RBM19: variants seen among roughly 807,000 people sequenced by gnomAD.
RBM19 encodes probable RNA-binding protein 19.
In RBM19, 94 loss-of-function variants were observed where a neutral mutation model predicts 116.8. That is an observed-to-expected ratio of 0.80 (90% CI 0.68 to 0.95). The LOEUF (loss-of-function observed/expected upper bound fraction) is 0.95. RBM19 is among the 40% of genes least tolerant of loss of function. The pLI is 0.00. For synonymous variants in RBM19, 475 were observed against 494.1 expected (o/e 0.96, Z 0.51); for missense variants, 1,161 against 1,220.7 (o/e 0.95, Z 0.73).
intron 13 of RBM19, among the ~76,000 whole-genome samples, chr12:113,944,796 T>C (rs1301892880): frequency 6.9e-6 from 1 of 145,608 alleles, no homozygotes; most frequent in Non-Finnish European, 1.5e-5. Context: ...AGCAACTCTG[T>C]CTCAAAAAAA....
chr12:113,831,292 C>A (rs750354422), intron 23 of RBM19, among the ~76,000 whole-genome samples: 21 of 152,224 alleles, frequency 1.4e-4, no homozygotes, highest in Non-Finnish European at 2.5e-4. Context: ...TACAAAACCC[C>A]ACTACTTTCA....
At position 113,959,900 on chromosome 12, in the gene RBM19, C is replaced by T. The variant is rs267603319; in HGVS notation, c.343G>A (p.Glu115Lys). The stretch of plus-strand genomic sequence containing the variant: ...TGACCTGCCACCTTTTTCTTCTTCT[C>T]ATCCTGAAAACAGAAGGCACAGAGA... Reference protein sequence around the residue: ...DSTTPEIKKDEKKKKVAGQLE... With the variant: ...DSTTPEIKKDKKKKKVAGQLE... The change falls in exon 4 of 24, where the codon GAG becomes AAG. Residue 115 changes from glutamate (E) to lysine (K), a missense_variant. Transcript: ENST00000261741. 6.2e-7 allele frequency: 1 copy of T among 1,614,136 alleles called. No individual in the cohort carries two copies. The highest frequency in any genetic ancestry group is 8.5e-7 in the Non-Finnish European group (1 of 1,180,024).
At chr12:113,937,755 TAAAAAAAA>T (rs35507198) in intron 15 of RBM19, among the ~76,000 whole-genome samples, 21,531 of 118,748 alleles carry the variant, frequency 0.18, 2,289 homozygotes, top group African/African-American at 0.34. Flanking sequence ...TCCTGCCTCT[TAAAAAAAA>T]AAAAAAAAAA....
At chr12:113,963,781 T>C (rs1325357200) in intron 1 of RBM19, among the ~76,000 whole-genome samples, 1 of 152,200 alleles carries the variant, frequency 6.6e-6, no homozygotes. Context: ...AAGGAAAACA[T>C]GCAATTCTTC....
rs368585240 is a variant in RBM19 at position 113,942,384 on chromosome 12, G to C, written c.1677C>G (p.Leu559=). ...TGAGAAAACGCCGCACTTCCTGGAC[G>C]AGCTGGGTTTCCCCCAGAGCCACGC... ...AVRVALGETQ[L]VQEVRRFLID... Residue 559 remains leucine, a synonymous_variant, in exon 14 of 24, where the codon CTC becomes CTG. Coordinates refer to ENST00000261741, the MANE Select transcript of RBM19 (RefSeq NM_016196.4). 2.5e-6 allele frequency: 4 copies of C among 1,609,626 alleles called. No homozygotes were observed. The highest frequency in any genetic ancestry group is 3.4e-6 in the Non-Finnish European group (4 of 1,179,936).
chr12:113,934,960 C>T (rs1260520991), intron 16 of RBM19, among the ~76,000 whole-genome samples: 1 of 152,080 alleles, frequency 6.6e-6, no homozygotes, highest in Non-Finnish European at 1.5e-5. Context: ...TATGCCTGGG[C>T]CCCCCGGGGT....
At chr12:113,910,796 C>G (rs904239626) in intron 21 of RBM19, among the ~76,000 whole-genome samples, 1 of 150,832 alleles carries the variant, frequency 6.6e-6, no homozygotes, top group African/African-American at 2.4e-5. Context: ...ACACCACTTC[C>G]AGCTTTTGAA....
intron 13 of RBM19, among the ~76,000 whole-genome samples, chr12:113,942,911 C>A (rs1334305536): frequency 6.6e-6 from 1 of 152,094 alleles, no homozygotes; most frequent in Non-Finnish European, 1.5e-5. Flanking sequence ...GTGCTTGGCC[C>A]CCCAGTGGCT....
intron 5 of RBM19, 134 bp downstream of exon 5, chr12:113,959,078 G>A (rs1872241323): frequency 2.3e-6 from 2 of 852,716 alleles, no homozygotes; most frequent in East Asian, 5.0e-5. Flanking sequence ...CCTGCAGAGG[G>A]ATCATCACCC....
Position 113,948,895 on chromosome 12 carries a change from A to C in RBM19, c.1214T>G (p.Phe405Cys). The C allele has an allele frequency of 6.2e-7, 1 of 1,614,132 alleles. No individual in the cohort carries two copies. Among genetic ancestry groups the C allele is most frequent in the South Asian group, 1.1e-5 (1 of 91,082 alleles). The change falls in exon 10 of 24, where the codon TTT (phenylalanine) becomes TGT (cysteine). Residue 405 changes from phenylalanine (F) to cysteine (C), a missense_variant. Phe to Cys is a radical substitution (Grantham distance 205, BLOSUM62 -2). Coordinates refer to ENST00000261741, the MANE Select transcript of RBM19 (RefSeq NM_016196.4). ...EEDLAESGRLFVRNLPYTSTE... is the reference protein window; with the variant it reads ...EEDLAESGRLCVRNLPYTSTE... Reference sequence around the variant, plus strand: ...GCTGGTGTAGGGCAGGTTCCGTACAAAGAGCCTTCCGGATTCGGCCAGGTC... The same window carrying C: ...GCTGGTGTAGGGCAGGTTCCGTACACAGAGCCTTCCGGATTCGGCCAGGTC...
Position 113,900,510 on chromosome 12 carries a change from C to G in RBM19, c.2558+14459G>C, listed in dbSNP as rs139705573. 2.9e-3 allele frequency among the ~76,000 whole-genome samples: 448 copies of G among 152,284 alleles called. 5 individuals carry two copies. The highest frequency in any genetic ancestry group is 0.01 in the African/African-American group (432 of 41,556). ...GTTGGCTTGGAAATGGCAGGCCTAT[C>G]CCAAACCCTTCATGGAATCATTCAA... is the stretch of plus-strand genomic sequence containing the variant. On this transcript the variant is annotated intron_variant, in intron 21 of 23. Coordinates refer to ENST00000261741, the MANE Select transcript of RBM19 (RefSeq NM_016196.4).
chr12:113,930,743 G>A (rs1869532270), intron 16 of RBM19, among the ~76,000 whole-genome samples: 1 of 152,186 alleles, frequency 6.6e-6, no homozygotes, highest in Admixed American at 6.5e-5. Context: ...TGAACCTTGA[G>A]TTCATAGCAA....
At position 113,949,000 on chromosome 12, in the gene RBM19, A is replaced by G. The variant is rs746738291; in HGVS notation, c.1109T>C (p.Val370Ala). 1.2e-6 allele frequency: 2 copies of G among 1,613,932 alleles called. No homozygotes were observed. Among genetic ancestry groups the G allele is most frequent in the African/African-American group, 2.7e-5 (2 of 74,888 alleles). The change falls in exon 10 of 24, where the codon GTC (valine) becomes GCC (alanine). Residue 370 changes from valine (V) to alanine (A), a missense_variant. Val to Ala is a moderately conservative substitution (Grantham distance 64). Coordinates refer to ENST00000261741, the MANE Select transcript of RBM19 (RefSeq NM_016196.4). ...RYIEVFREKN[V>A]PTTKGAPKNT... ...CTTTGGTGCACCCTTGGTGGTGGGGACGTTCTTTTCCCTGAACACCTCGAT... is the reference window on the plus strand; with the variant it reads ...CTTTGGTGCACCCTTGGTGGTGGGGGCGTTCTTTTCCCTGAACACCTCGAT...
chr12:113,912,842 G>C (rs568041722), intron 21 of RBM19, among the ~76,000 whole-genome samples: 2 of 152,190 alleles, frequency 1.3e-5, no homozygotes, highest in African/African-American at 4.8e-5. Context: ...ATCCTGTCTG[G>C]GGCTTCCCTG....
intron 21 of RBM19, among the ~76,000 whole-genome samples, chr12:113,909,557 C>T (rs990613443): frequency 2.0e-5 from 3 of 152,114 alleles, no homozygotes; most frequent in East Asian, 1.9e-4. Flanking sequence ...AACCACCTGT[C>T]GGTAAAAAGG....
At chr12:113,948,786 C>T in intron 10 of RBM19, 47 bp downstream of exon 10, 1 of 1,593,264 alleles carries the variant, frequency 6.3e-7, no homozygotes, top group Non-Finnish European at 8.6e-7. Context: ...GAGAGCCCGG[C>T]TCCCATAGCC....
downstream of RBM19, among the ~76,000 whole-genome samples, chr12:113,819,649 C>A (rs1421700700): frequency 6.6e-6 from 1 of 152,204 alleles, no homozygotes; most frequent in Non-Finnish European, 1.5e-5. Context: ...TTTCAGAAAG[C>A]TCCCGTGTCC....
Position 113,823,265 on chromosome 12 carries a change from C to T in RBM19, c.2842G>A (p.Gly948Ser). 1 of 1,612,996 alleles carries T rather than the reference C, an allele frequency of 6.2e-7. No individual in the cohort carries two copies. The highest frequency in any genetic ancestry group is 1.1e-5 in the South Asian group (1 of 91,072). The change falls in exon 24 of 24, where the codon GGC becomes AGC. Residue 948 changes from glycine (G) to serine (S), a missense_variant. Physicochemically the swap from Gly to Ser is moderately conservative, Grantham distance 56. Transcript: ENST00000261741. ...TGCTCCTCGCTGTCGCTGTCACTGC[C>T]TTCCAGCTGCTCCAGGATCTCGTCC... ...VLDEILEQLEGSDSDSEEQTL... is the reference protein window; with the variant it reads ...VLDEILEQLESSDSDSEEQTL...
intron 21 of RBM19, among the ~76,000 whole-genome samples, chr12:113,913,193 G>A (rs900444539): frequency 2.0e-5 from 3 of 152,124 alleles, no homozygotes; most frequent in African/African-American, 2.4e-5. Flanking sequence ...TCATTTCAGC[G>A]GGATATTATT....
Sources: gnomAD v4.1 joint callset for allele counts (sites outside exome capture counted in the v4.1 genomes callset) on GRCh38, gnomAD v4.1.1 for gene constraint, MANE v1.5 for transcripts, NCBI Gene and HGNC (gene_info 2026-07-23, HGNC 2026-07-21) for gene names.